Variants in NLRP3 observed in about 807,000 individuals in gnomAD.
NLRP3 encodes NACHT, LRR and PYD domains-containing protein 3.
In NLRP3, 48 loss-of-function variants were observed where a neutral mutation model predicts 91.3. The ratio of observed to expected loss-of-function variants is 0.53; its 90% CI spans 0.42 to 0.67. The LOEUF (loss-of-function observed/expected upper bound fraction) is 0.67. NLRP3 is among the 30% of genes least tolerant of loss of function. The pLI, the probability that NLRP3 is intolerant of heterozygous loss-of-function variation, is 0.00. For synonymous variants in NLRP3, 561 were observed against 507.9 expected, an observed-to-expected ratio of 1.10 and a Z score of -1.41; for missense variants, 982 against 1,276.9, an observed-to-expected ratio of 0.77 and a Z score of 3.52.
chr1:247,422,362 G>C (rs1346316549), intron 2 of NLRP3, among the ~76,000 whole-genome samples: 1 of 139,482 alleles, frequency 7.2e-6, no homozygotes, highest in Non-Finnish European at 1.5e-5. Flanking sequence ...CTGGGCAATA[G>C]AGTGAGGCCC....
intron 7 of NLRP3, among the ~76,000 whole-genome samples, chr1:247,437,718 C>A (rs1663894289): frequency 6.6e-6 from 1 of 152,196 alleles, no homozygotes; most frequent in Non-Finnish European, 1.5e-5. Context: ...GAAGTGATAA[C>A]AGATAATAGA....
At chr1:247,430,330 C>A (rs1452788776) in intron 5 of NLRP3, among the ~76,000 whole-genome samples, 1 of 152,138 alleles carries the variant, frequency 6.6e-6, no homozygotes, top group Non-Finnish European at 1.5e-5. Context: ...TGTAGATGCC[C>A]CCTTCTCCCT....
At chr1:247,448,288 TTTAC>T in intron 9 of NLRP3, 113 bp from the exon 10 acceptor site, 2 of 525,466 alleles carry the variant, frequency 3.8e-6, no homozygotes, top group Middle Eastern at 3.0e-4. Flanking sequence ...TTTTTTTTTT[TTTAC>T]ATTTTAGAAG....
At chr1:247,422,717 T>G (rs979833109) in intron 2 of NLRP3, among the ~76,000 whole-genome samples, 1 of 152,164 alleles carries the variant, frequency 6.6e-6, no homozygotes, top group African/African-American at 2.4e-5. Flanking sequence ...ACCACTAGAT[T>G]AGGCACGAAA....
chr1:247,445,361 C>T (rs1181948628), intron 9 of NLRP3, among the ~76,000 whole-genome samples: 2 of 152,054 alleles, frequency 1.3e-5, no homozygotes, highest in African/African-American at 2.4e-5. Context: ...CCACCACACC[C>T]GGCTAATTTT....
chr1:247,434,280 C>A lies in NLRP3; in HGVS notation c.2492+7C>A. 3 of 1,613,950 alleles carry A rather than the reference C, an allele frequency of 1.9e-6. No individual in the cohort carries two copies. Among genetic ancestry groups the A allele is most frequent in the South Asian group, 1.1e-5 (1 of 90,982 alleles). On this transcript the variant is annotated splice_region_variant and intron_variant, in intron 6 of 9. Transcript: ENST00000336119. ...GCAATCTGAAGAAGCTCTGGTGAGT[C>A]GAGCCCGTTCCCCTAAGGAAGTTCT...
intron 5 of NLRP3, among the ~76,000 whole-genome samples, chr1:247,430,554 A>G (rs1270447228): frequency 6.6e-6 from 1 of 152,140 alleles, no homozygotes; most frequent in African/African-American, 2.4e-5. Flanking sequence ...GGGGGGGCAC[A>G]GTTCAGCCCA....
At position 247,429,583 on chromosome 1, in the gene NLRP3, A is replaced by G; in HGVS notation, c.2151-2A>G. ...TCTGTCTGTCTTCCTTCTAATTCCT[A>G]GATTGGTGAACAGCCACCTCACTTC... On this transcript the variant is annotated splice_acceptor_variant, in intron 4 of 9. Coordinates refer to ENST00000336119, the MANE Select transcript of NLRP3 (RefSeq NM_001243133.2). LOFTEE classifies it high-confidence loss of function. 2 of 1,614,024 alleles carry G rather than the reference A, an allele frequency of 1.2e-6. No homozygotes were observed. The highest frequency in any genetic ancestry group is 1.7e-6 in the Non-Finnish European group (2 of 1,179,956).
intron 5 of NLRP3, among the ~76,000 whole-genome samples, chr1:247,431,931 C>T (rs1663362510): frequency 6.6e-6 from 1 of 152,136 alleles, no homozygotes; most frequent in Non-Finnish European, 1.5e-5. Context: ...TGGACTCTCG[C>T]CGTGTTGCCC....
chr1:247,446,115 C>A (rs539493028), intron 9 of NLRP3, among the ~76,000 whole-genome samples: 1 of 152,188 alleles, frequency 6.6e-6, no homozygotes, highest in Admixed American at 6.5e-5. Context: ...CTGGTTCTGT[C>A]GTCACTGTCT....
At chr1:247,429,029 A>G (rs1476662733) in intron 4 of NLRP3, among the ~76,000 whole-genome samples, 2 of 151,552 alleles carry the variant, frequency 1.3e-5, no homozygotes, top group Non-Finnish European at 2.9e-5. Context: ...AATAGCTGGG[A>G]TGACAGGCTC....
chr1:247,433,062 C>G (rs1198165845), intron 5 of NLRP3, among the ~76,000 whole-genome samples: 1 of 151,758 alleles, frequency 6.6e-6, no homozygotes, highest in Non-Finnish European at 1.5e-5. Context: ...AATAAAATGG[C>G]TAAGCATGGT....
chr1:247,418,720 C>G lies in NLRP3; in HGVS notation c.-81C>G. On this transcript the variant is annotated 5_prime_UTR_variant, in exon 2 of 10. Transcript: ENST00000336119. Reference sequence around the variant, plus strand: ...CTCAAAGTGGAGACTTTAAAAAAGACTCATCCGTGTGCCGTGTTCACTGCC... The same window carrying G: ...CTCAAAGTGGAGACTTTAAAAAAGAGTCATCCGTGTGCCGTGTTCACTGCC... 2 of 1,536,440 alleles carry G rather than the reference C, an allele frequency of 1.3e-6. No homozygotes were observed. Among genetic ancestry groups the G allele is most frequent in the East Asian group, 2.2e-5 (1 of 44,482 alleles).
chr1:247,421,829 G>A (rs2103096451), intron 2 of NLRP3, among the ~76,000 whole-genome samples: 1 of 152,240 alleles, frequency 6.6e-6, no homozygotes, highest in Admixed American at 6.5e-5. Flanking sequence ...GGTGGGGTTA[G>A]GTTTTAGGTA....
chr1:247,421,806 G>A (rs1173148614), intron 2 of NLRP3, among the ~76,000 whole-genome samples: 1 of 152,120 alleles, frequency 6.6e-6, no homozygotes, highest in Non-Finnish European at 1.5e-5. Flanking sequence ...AAGTTTGTTT[G>A]TTTGTTTCCT....
intron 4 of NLRP3, among the ~76,000 whole-genome samples, 200 bp from the exon 5 acceptor site, chr1:247,429,385 C>G (rs1034061779): frequency 6.6e-6 from 1 of 152,126 alleles, no homozygotes; most frequent in Non-Finnish European, 1.5e-5. Flanking sequence ...GCTCTCCGTC[C>G]GAGAGGAGGC....
rs1320775392 is a variant in NLRP3, at chr1:247,448,533, T to TGGGGGCCCTCCA, written c.*30_*31insGGGGCCCTCCAG. The TGGGGGCCCTCCA allele has an allele frequency of 7.3e-7, 1 of 1,367,176 alleles. No individual in the cohort carries two copies. Among genetic ancestry groups the TGGGGGCCCTCCA allele is most frequent in the East Asian group, 2.3e-5 (1 of 43,748 alleles). 84.7% of individuals were successfully genotyped at this position (1,367,176 alleles called of 1,614,324 possible). A position where few individuals can be genotyped will look rare whatever the true frequency, so the allele number is the denominator to read the frequency against. On this transcript the variant is annotated 3_prime_UTR_variant, in exon 10 of 10. Transcript: ENST00000336119. The stretch of plus-strand genomic sequence containing the variant: ...TGGAAACGGGGCTGCCAGACGCCAG[T>TGGGGGCCCTCCA]GTTCTCCGGTCCCTCCAGCTGGGGG...
At chr1:247,440,440 A>C (rs1341169401) in intron 7 of NLRP3, among the ~76,000 whole-genome samples, 2 of 152,188 alleles carry the variant, frequency 1.3e-5, no homozygotes, top group African/African-American at 4.8e-5. Context: ...TTTAAGATGC[A>C]AATTTGAAAA....
At chr1:247,419,318 GC>G (rs1424047360) in intron 2 of NLRP3, among the ~76,000 whole-genome samples, 1 of 151,928 alleles carries the variant, frequency 6.6e-6, no homozygotes, top group Non-Finnish European at 1.5e-5. Context: ...TCCACGCCCG[GC>G]TAATTTTGTA....
Sources: gnomAD v4.1 joint callset for allele counts (sites outside exome capture counted in the v4.1 genomes callset) on GRCh38, gnomAD v4.1.1 for gene constraint, MANE v1.5 for transcripts, NCBI Gene and HGNC (gene_info 2026-07-23, HGNC 2026-07-21) for gene names.